ADGRV1: variants seen among roughly 807,000 people sequenced by gnomAD.
ADGRV1 encodes adhesion G protein-coupled receptor V1.
A neutral mutation model predicts 596.2 loss-of-function variants in ADGRV1; 359 were observed. The ratio of observed to expected loss-of-function variants is 0.60; its 90% CI spans 0.55 to 0.66. The LOEUF is 0.66. ADGRV1 is among the 30% of genes least tolerant of loss of function. The pLI is 0.00. For synonymous variants in ADGRV1, 2,681 were observed against 2,679.2 expected (o/e 1.00, Z -0.02); for missense variants, 7,274 against 7,575.6 (o/e 0.96, Z 1.48).
intron 25 of ADGRV1, among the ~76,000 whole-genome samples, 182 bp downstream of exon 25, chr5:90,676,391 C>G (rs917388524): frequency 2.0e-5 from 3 of 152,030 alleles, no homozygotes; most frequent in African/African-American, 7.2e-5. Flanking sequence ...ATAATATATA[C>G]CATAATATAT....
chr5:90,709,083 G>C (rs1037272778), intron 39 of ADGRV1, among the ~76,000 whole-genome samples, 174 bp downstream of exon 39: 1 of 152,030 alleles, frequency 6.6e-6, no homozygotes, highest in African/African-American at 2.4e-5. Flanking sequence ...TTTTTACAAT[G>C]AACAATGTAA....
In ADGRV1 at chr5:90,755,124, A is replaced by T. The variant is rs780647523; in HGVS notation, c.11519A>T (p.Glu3840Val). ...GAGAATGAAGATTATGTATTGCAAG[A>T]AACAATAATAATAATGAAAGAAAAC... Reference protein sequence around the residue: ...ATENEDYVLQETIIIMKENIK... With the variant: ...ATENEDYVLQVTIIIMKENIK... The change falls in exon 55 of 90, where the codon GAA becomes GTA. Residue 3840 changes from glutamate to valine, a missense_variant. Glu to Val is a moderately radical substitution (Grantham distance 121, BLOSUM62 -2). Around this residue, in one of 5 missense-constraint regions of ADGRV1, gnomAD observed 3,643 missense variants for 3,809.2 expected, o/e 0.96. Transcript: ENST00000405460. The T allele has an allele frequency of 1.2e-6, 2 of 1,611,392 alleles. No homozygotes were observed. Among genetic ancestry groups the T allele is most frequent in the Non-Finnish European group, 1.7e-6 (2 of 1,178,620 alleles).
chr5:90,813,167 T>TAAAAAAAAAAA (rs1561786626), intron 74 of ADGRV1, among the ~76,000 whole-genome samples: 35 of 104,272 alleles, frequency 3.4e-4, no homozygotes, highest in Non-Finnish European at 5.2e-4. Context: ...AAAAAAAATT[T>TAAAAAAAAAAA]ATTTGGCAGT....
chr5:90,598,978 G>T (rs1761058028), intron 1 of ADGRV1, among the ~76,000 whole-genome samples: 1 of 151,762 alleles, frequency 6.6e-6, no homozygotes, highest in South Asian at 2.1e-4. Flanking sequence ...AGTTTGGGCT[G>T]CATTTAAAAC....
At chr5:90,666,957 G>A (rs1191537429) in intron 21 of ADGRV1, among the ~76,000 whole-genome samples, 1 of 152,070 alleles carries the variant, frequency 6.6e-6, no homozygotes, top group Non-Finnish European at 1.5e-5. Context: ...CTTCTGGCTT[G>A]TAGGGTTTCT....
chr5:91,039,350 G>A (rs1240735227), intron 85 of ADGRV1, among the ~76,000 whole-genome samples: 1 of 152,142 alleles, frequency 6.6e-6, no homozygotes, highest in Non-Finnish European at 1.5e-5. Context: ...AAGTACAAAA[G>A]GAAGTCACTG....
At chr5:90,777,762 T>C in intron 61 of ADGRV1, 143 bp from the exon 62 acceptor site, 2 of 710,962 alleles carry the variant, frequency 2.8e-6, no homozygotes, top group Non-Finnish European at 2.2e-6. Flanking sequence ...TCCTTTGGTT[T>C]ATAGTTTGGT....
In ADGRV1 at chr5:91,102,343, A is replaced by G. The variant is rs1230924531; in HGVS notation, c.18432+3A>G. 2 of 1,578,708 alleles carry G rather than the reference A, an allele frequency of 1.3e-6. No homozygotes were observed. The highest frequency in any genetic ancestry group is 1.2e-5 in the South Asian group (1 of 84,320). On this transcript the variant is annotated splice_donor_region_variant and intron_variant, in intron 87 of 89. Coordinates refer to ENST00000405460, the MANE Select transcript of ADGRV1 (RefSeq NM_032119.4). ...TTGTCATTTTCAACAGTCTGCAGGT[A>G]AGCCTTACAATTTGGTTAGTGACAA... is the stretch of plus-strand genomic sequence containing the variant.
intron 88 of ADGRV1, 87 bp downstream of exon 88, chr5:91,150,308 T>C: frequency 9.2e-7 from 1 of 1,082,804 alleles, no homozygotes; most frequent in Non-Finnish European, 1.3e-6. Flanking sequence ...TGTCTGTCTG[T>C]CTCATTGACA....
At chr5:91,149,616 G>C (rs1795847164) in intron 87 of ADGRV1, among the ~76,000 whole-genome samples, 1 of 152,034 alleles carries the variant, frequency 6.6e-6, no homozygotes, top group African/African-American at 2.4e-5. Flanking sequence ...TGGCTCACTT[G>C]AGGTCAGGAG....
At chr5:91,071,707 C>T (rs1167807960) in intron 85 of ADGRV1, among the ~76,000 whole-genome samples, 1 of 151,668 alleles carries the variant, frequency 6.6e-6, no homozygotes, top group East Asian at 1.9e-4. Context: ...TGGAGTCTCC[C>T]TCTGTCACCT....
chr5:90,815,186 A>G (rs1219173568), intron 74 of ADGRV1, among the ~76,000 whole-genome samples: 1 of 152,192 alleles, frequency 6.6e-6, no homozygotes, highest in Non-Finnish European at 1.5e-5. Context: ...TTATTTGACA[A>G]GTATTTATTC....
intron 59 of ADGRV1, among the ~76,000 whole-genome samples, chr5:90,770,462 C>T (rs899762484): frequency 1.3e-5 from 2 of 152,060 alleles, no homozygotes; most frequent in African/African-American, 2.4e-5. Flanking sequence ...GAATGTGTAT[C>T]CTCTAGTCTA....
Position 90,697,016 on chromosome 5 carries a change from G to C in ADGRV1, c.8025G>C (p.Leu2675Phe), listed in dbSNP as rs1472112585. ...PEDDESIIVS[L>F]VYTEGGSRIL... ...ATGACGAAAGTATCATAGTTAGTTT[G>C]GTGTACACTGAAGGTGGAAGTAGAA... Residue 2675 changes from leucine (L) to phenylalanine (F), a missense_variant, in exon 34 of 90, where the codon TTG becomes TTC. This residue lies in a region of ADGRV1 where 3,643 missense variants were observed against 3,809.2 expected (regional missense o/e 0.96). Coordinates refer to ENST00000405460, the MANE Select transcript of ADGRV1 (RefSeq NM_032119.4). 6.2e-7 allele frequency: 1 copy of C among 1,613,062 alleles called. No homozygotes were observed. The highest frequency in any genetic ancestry group is 1.7e-5 in the Admixed American group (1 of 59,928).
At chr5:90,652,275 CT>C in intron 18 of ADGRV1, 70 bp from the exon 19 acceptor site, 1 of 1,100,212 alleles carries the variant, frequency 9.1e-7, no homozygotes, top group Admixed American at 2.6e-5. Context: ...AATATGTTTC[CT>C]TAATAACACA....
chr5:90,971,534 G>A (rs1778989534), intron 84 of ADGRV1, among the ~76,000 whole-genome samples: 1 of 152,158 alleles, frequency 6.6e-6, no homozygotes, highest in Non-Finnish European at 1.5e-5. Context: ...AGAAGAGAGT[G>A]GGGACCAATA....
intron 45 of ADGRV1, among the ~76,000 whole-genome samples, chr5:90,724,461 T>G (rs1217213062): frequency 6.6e-6 from 1 of 152,108 alleles, no homozygotes; most frequent in Non-Finnish European, 1.5e-5. Context: ...ACTCTTGACC[T>G]CAAGTGATCC....
At chr5:90,926,469 G>A (rs933682160) in intron 83 of ADGRV1, among the ~76,000 whole-genome samples, 67 of 147,274 alleles carry the variant, frequency 4.5e-4, no homozygotes, top group African/African-American at 5.7e-4. Flanking sequence ...CTGTGGGATC[G>A]GTGGTGATAT....
At chr5:90,670,443 G>C (rs1040637648) in intron 21 of ADGRV1, among the ~76,000 whole-genome samples, 1 of 152,048 alleles carries the variant, frequency 6.6e-6, no homozygotes, top group African/African-American at 2.4e-5. Flanking sequence ...TGATCGGTGA[G>C]GGGCTTGGAA....
Sources: gnomAD v4.1 joint callset for allele counts (sites outside exome capture counted in the v4.1 genomes callset) on GRCh38, gnomAD v4.1.1 for gene constraint, gnomAD v4.1.1 regional missense constraint, MANE v1.5 for transcripts, NCBI Gene and HGNC (gene_info 2026-07-23, HGNC 2026-07-21) for gene names.